The following RFX3 variants were observed in gnomAD, a reference collection of about 807,000 sequenced individuals.
The protein encoded by RFX3 is transcription factor RFX3.
Under a neutral mutation model 98.6 loss-of-function variants are expected in RFX3, and 14 were observed. The ratio of observed to expected loss-of-function variants is 0.14; its 90% CI spans 0.09 to 0.22. RFX3 has a LOEUF of 0.22. Among genes scored for constraint, RFX3 ranks in the 10% least tolerant of loss-of-function variants. The probability of loss-of-function intolerance (pLI) is 1.00; values close to 1 mark genes in which losing one functional copy is unlikely to be tolerated. For missense variants in RFX3, 639 were observed against 926.9 expected, an observed-to-expected ratio of 0.69 and a Z score of 4.03; for synonymous variants, 383 against 328.4, an observed-to-expected ratio of 1.17 and a Z score of -1.80.
At chr9:3,516,214 A>C (rs1166638399) in intron 1 of RFX3, among the ~76,000 whole-genome samples, 4 of 151,794 alleles carry the variant, frequency 2.6e-5, no homozygotes, top group Non-Finnish European at 5.9e-5. Context: ...ACGCCCAGCT[A>C]ATTTTTTGTA....
intron 1 of RFX3, among the ~76,000 whole-genome samples, chr9:3,504,422 ACATAG>A (rs1816489357): frequency 2.2e-5 from 3 of 136,520 alleles, no homozygotes; most frequent in South Asian, 4.5e-4. Flanking sequence ...ATTATATACC[ACATAG>A]TATATATTGT....
At chr9:3,353,571 C>A (rs1308057301) in intron 2 of RFX3, among the ~76,000 whole-genome samples, 1 of 151,996 alleles carries the variant, frequency 6.6e-6, no homozygotes, top group East Asian at 1.9e-4. Flanking sequence ...TGTAGATATA[C>A]CAGAAGGAGT....
At chr9:3,346,991 T>C (rs1421609924) in intron 2 of RFX3, among the ~76,000 whole-genome samples, 3 of 152,304 alleles carry the variant, frequency 2.0e-5, no homozygotes, top group Admixed American at 6.5e-5. Flanking sequence ...CAGGTATAAA[T>C]GTATAGACAC....
At chr9:3,356,704 T>C (rs1426990964) in intron 2 of RFX3, among the ~76,000 whole-genome samples, 2 of 151,924 alleles carry the variant, frequency 1.3e-5, no homozygotes, top group African/African-American at 2.4e-5. Flanking sequence ...ATGTCTCTCA[T>C]AAACCTAAAT....
chr9:3,256,764 C>G (rs537134842), intron 14 of RFX3, among the ~76,000 whole-genome samples: 15 of 152,296 alleles, frequency 9.8e-5, no homozygotes, highest in African/African-American at 3.1e-4. Flanking sequence ...GGGCTTTGAG[C>G]AAGAGATTTC....
chr9:3,381,086 G>C (rs1839139853), intron 2 of RFX3, among the ~76,000 whole-genome samples: 1 of 151,958 alleles, frequency 6.6e-6, no homozygotes, highest in Non-Finnish European at 1.5e-5. Context: ...AAAAGTGCTT[G>C]GGAAAATTAA....
intron 1 of RFX3, among the ~76,000 whole-genome samples, chr9:3,421,991 G>A (rs1304373771): frequency 7.3e-6 from 1 of 137,426 alleles, no homozygotes; most frequent in Non-Finnish European, 1.5e-5. Flanking sequence ...AGTGTTGTAA[G>A]TGACTCTTCT....
At chr9:3,510,496 T>C (rs542595507) in intron 1 of RFX3, among the ~76,000 whole-genome samples, 2 of 152,058 alleles carry the variant, frequency 1.3e-5, no homozygotes, top group Non-Finnish European at 2.9e-5. Context: ...TTATATCCTA[T>C]AACGCAAATG....
rs191454588 is a variant in RFX3 at position 3,471,608 on chromosome 9, A to C, written c.-9+54139T>G. 2.3e-3 allele frequency among the ~76,000 whole-genome samples: 349 copies of C among 152,348 alleles called. 4 individuals carry two copies. Among genetic ancestry groups the C allele is most frequent in the Middle Eastern group, 0.01 (3 of 294 alleles). On this transcript the variant is annotated intron_variant, in intron 1 of 16. Transcript: ENST00000617270. Reference sequence around the variant, plus strand: ...TGTGGCATAATCACTTATGTTCCCAATATAGAATTACGTTTAAAATATATC... The same window carrying C: ...TGTGGCATAATCACTTATGTTCCCACTATAGAATTACGTTTAAAATATATC...
chr9:3,497,996 G>T (rs1021643978), intron 1 of RFX3, among the ~76,000 whole-genome samples: 1 of 151,916 alleles, frequency 6.6e-6, no homozygotes, highest in African/African-American at 2.4e-5. Flanking sequence ...CAAATCAAGG[G>T]TATTAGCATG....
intron 1 of RFX3, among the ~76,000 whole-genome samples, chr9:3,516,086 T>C (rs960868760): frequency 1.8e-4 from 28 of 152,158 alleles, no homozygotes; most frequent in Admixed American, 6.5e-5. Flanking sequence ...TCTTGCTCTG[T>C]TGCCCAGACT....
chr9:3,491,377 T>G (rs1273565902), intron 1 of RFX3, among the ~76,000 whole-genome samples: 1 of 152,174 alleles, frequency 6.6e-6, no homozygotes, highest in Non-Finnish European at 1.5e-5. Context: ...TATTACATTT[T>G]CTTACTTTAC....
chr9:3,362,704 G>A (rs531083775), intron 2 of RFX3, among the ~76,000 whole-genome samples: 1 of 152,162 alleles, frequency 6.6e-6, no homozygotes, highest in Non-Finnish European at 1.5e-5. Context: ...TAGCAGTAGG[G>A]TCCTGGCTCT....
intron 2 of RFX3, among the ~76,000 whole-genome samples, chr9:3,371,557 G>C (rs1837861920): frequency 6.6e-6 from 1 of 151,888 alleles, no homozygotes; most frequent in South Asian, 2.1e-4. Context: ...TTTACATGTG[G>C]CCAGAAATTT....
chr9:3,524,457 G>C, intron 1 of RFX3: 1 of 930,458 alleles, frequency 1.1e-6, no homozygotes, highest in Non-Finnish European at 1.3e-6. Flanking sequence ...ATCTTAACCA[G>C]AAAGAAAGTG....
chr9:3,335,450 T>A (rs942879132), intron 3 of RFX3, among the ~76,000 whole-genome samples: 4 of 152,186 alleles, frequency 2.6e-5, no homozygotes, highest in African/African-American at 4.8e-5. Flanking sequence ...GAGTTACTGC[T>A]TGCACACTAT....
At chr9:3,413,393 T>G (rs1332581491) in intron 1 of RFX3, among the ~76,000 whole-genome samples, 1 of 152,126 alleles carries the variant, frequency 6.6e-6, no homozygotes. Context: ...ACTATTTTCA[T>G]ATGGGAGTTT....
intron 1 of RFX3, among the ~76,000 whole-genome samples, chr9:3,501,963 C>T (rs529427448): frequency 4.6e-5 from 7 of 151,926 alleles, no homozygotes; most frequent in Admixed American, 1.3e-4. Context: ...TATCAAAAAT[C>T]ACTTTCGGCC....
intron 4 of RFX3, among the ~76,000 whole-genome samples, chr9:3,327,907 A>C (rs1832112608): frequency 1.3e-5 from 2 of 152,190 alleles, no homozygotes; most frequent in African/African-American, 4.8e-5. Context: ...AAATAGAAGA[A>C]GAATCCTCAA....
Sources: allele counts gnomAD v4.1 joint callset (sites outside exome capture counted in the v4.1 genomes callset), GRCh38; gene constraint gnomAD v4.1.1; transcripts MANE v1.5; gene names NCBI Gene and HGNC (gene_info 2026-07-23, HGNC 2026-07-21).